FOXK2: variants seen among roughly 807,000 people sequenced by gnomAD.
FOXK2 encodes forkhead box protein K2.
Under a neutral mutation model 53.3 loss-of-function variants are expected in FOXK2, and 24 were observed. The observed-to-expected ratio is 0.45, with a 90% confidence interval of 0.33 to 0.63. FOXK2 has a LOEUF of 0.63. Among genes scored for constraint, FOXK2 ranks in the 30% least tolerant of loss-of-function variants. The probability of loss-of-function intolerance (pLI) is 0.03; values close to 1 mark genes in which losing one functional copy is unlikely to be tolerated. For missense variants in FOXK2, 952 were observed against 910.5 expected (o/e 1.05, Z -0.59); for synonymous variants, 505 against 407.1 (o/e 1.24, Z -2.89).
At chr17:82,565,437 C>T (rs1264719823) in intron 2 of FOXK2, among the ~76,000 whole-genome samples, 1 of 152,086 alleles carries the variant, frequency 6.6e-6, no homozygotes, top group Admixed American at 6.5e-5. Context: ...GATTAATATC[C>T]AGATTATAGA....
intron 1 of FOXK2, among the ~76,000 whole-genome samples, chr17:82,549,600 T>C (rs11653077): frequency 0.043 from 6,503 of 152,154 alleles, 151 homozygotes; most frequent in African/African-American, 0.052. Context: ...ACTCTCCTTA[T>C]TACAGTTGCA....
At chr17:82,542,104 C>G (rs1225645958) in intron 1 of FOXK2, among the ~76,000 whole-genome samples, 1 of 151,624 alleles carries the variant, frequency 6.6e-6, no homozygotes, top group African/African-American at 2.4e-5. Context: ...TGGTCTTGAA[C>G]TCCTGGCCTC....
chr17:82,566,820 C>A (rs958261346), intron 2 of FOXK2, among the ~76,000 whole-genome samples: 1 of 152,206 alleles, frequency 6.6e-6, no homozygotes, highest in Non-Finnish European at 1.5e-5. Context: ...CCGGGGCCTC[C>A]AGGTGGAGCG....
At position 82,602,235 on chromosome 17, in the gene FOXK2, G is replaced by T. The variant is rs1452724612; in HGVS notation, c.*736G>T. The T allele has an allele frequency of 6.6e-6, 1 of 152,168 alleles. No individual in the cohort carries two copies. The highest frequency in any genetic ancestry group is 6.5e-5 in the Admixed American group (1 of 15,272). The allele number at this position is 152,168 out of a possible 1,614,324, so 9.4% of individuals were successfully genotyped here. On this transcript the variant is annotated 3_prime_UTR_variant, in exon 9 of 9. Transcript: ENST00000335255. ...GGACGCTGTGGCCGCATGGAACCTTGAGAACCCAGGGACGAGCCAGTGCCG... is the reference window on the plus strand; with the variant it reads ...GGACGCTGTGGCCGCATGGAACCTTTAGAACCCAGGGACGAGCCAGTGCCG...
At chr17:82,570,655 T>C (rs1193778170) in intron 3 of FOXK2, among the ~76,000 whole-genome samples, 1 of 152,270 alleles carries the variant, frequency 6.6e-6, no homozygotes, top group Non-Finnish European at 1.5e-5. Flanking sequence ...ACAGTATCTA[T>C]AATTGTTCAT....
chr17:82,565,046 GA>G (rs1231785446), intron 2 of FOXK2, among the ~76,000 whole-genome samples: 2 of 152,054 alleles, frequency 1.3e-5, no homozygotes, highest in Non-Finnish European at 2.9e-5. Context: ...AATGGTTTTT[GA>G]CGAGGGTGCC....
At chr17:82,570,088 G>T (rs916178869) in intron 3 of FOXK2, among the ~76,000 whole-genome samples, 4 of 151,894 alleles carry the variant, frequency 2.6e-5, no homozygotes, top group African/African-American at 9.7e-5. Context: ...TGGGCGTGTT[G>T]GCAGGCGCCT....
Position 82,581,478 on chromosome 17 carries a change from G to GTT in FOXK2, c.910-1249_910-1248dup, listed in dbSNP as rs34849884. 1.9e-3 allele frequency among the ~76,000 whole-genome samples: 253 copies of GTT among 134,068 alleles called. 2 individuals are homozygous for GTT. Among genetic ancestry groups the GTT allele is most frequent in the South Asian group, 4.9e-3 (20 of 4,088 alleles). The allele number at this position is 134,068 out of a possible 152,430, so 88.0% of individuals were successfully genotyped here. On this transcript the variant is annotated intron_variant, in intron 4 of 8. Coordinates refer to ENST00000335255, the MANE Select transcript of FOXK2 (RefSeq NM_004514.4). ...CTGTGCCCGGATGATTTTTGTGTGGGTTTTTTTTTTTTTTTGAGATGGAGT... is the reference window on the plus strand; with the variant it reads ...CTGTGCCCGGATGATTTTTGTGTGGGTTTTTTTTTTTTTTTTTGAGATGGAGT...
rs1304519428 is a variant in FOXK2 at position 82,556,121 on chromosome 17, TCTCA to T, written c.420-7230_420-7227del. On this transcript the variant is annotated intron_variant, in intron 1 of 8. Transcript: ENST00000335255. ...CTGATGCATTTTTACACACAGGAAC[TCTCA>T]CTGACGCAGTCAGAATCTAGATGAA... Among the ~76,000 whole-genome samples, 4 of 152,160 alleles carry T rather than the reference TCTCA, an allele frequency of 2.6e-5. No homozygotes were observed. In the East Asian group the frequency reaches 5.8e-4, roughly 22 times the overall value.
rs1162448869 is a variant in FOXK2 at position 82,571,568 on chromosome 17, T to TCCA, written c.763-155_763-153dup. The stretch of plus-strand genomic sequence containing the variant: ...GTGAGCCAAGATCGCGTCACTGTAC[T>TCCA]CCAGCCTGGGCGACACAGCGAGACT... On this transcript the variant is annotated intron_variant, in intron 3 of 8. Transcript: ENST00000335255. 7.2e-5 allele frequency among the ~76,000 whole-genome samples: 11 copies of TCCA among 152,038 alleles called. No homozygotes were observed. In the East Asian group the frequency reaches 2.1e-3, roughly 29 times the overall value.
intron 1 of FOXK2, among the ~76,000 whole-genome samples, chr17:82,542,407 C>T (rs1350924109): frequency 6.6e-6 from 1 of 152,062 alleles, no homozygotes; most frequent in Non-Finnish European, 1.5e-5. Context: ...TCAGGTGATC[C>T]GCCCGTCTCT....
intron 8 of FOXK2, 186 bp from the exon 9 acceptor site, chr17:82,601,117 G>A (rs1398278978): frequency 6.5e-6 from 4 of 615,018 alleles, no homozygotes; most frequent in Non-Finnish European, 8.2e-6. Context: ...CTTGGCCACC[G>A]TGGGCCAGTC....
chr17:82,563,745 C>T (rs978745545), intron 2 of FOXK2, among the ~76,000 whole-genome samples, 197 bp downstream of exon 2: 3 of 141,758 alleles, frequency 2.1e-5, no homozygotes, highest in Admixed American at 7.1e-5. Context: ...TTTATTTACT[C>T]ATTCCCTTTT....
At position 82,568,203 on chromosome 17, in the gene FOXK2, TA is replaced by T. The variant is rs768821814; in HGVS notation, c.762+5del. On this transcript the variant is annotated splice_donor_region_variant and intron_variant, in intron 3 of 8. Coordinates refer to ENST00000335255, the MANE Select transcript of FOXK2 (RefSeq NM_004514.4). ...GCTTCAGGTGGAGACAGCCCGAAGG[TA>T]AAGGCTTTGTAGCCTTGAAGCAGCC... 40 of 1,611,154 alleles carry T rather than the reference TA, an allele frequency of 2.5e-5. No homozygotes were observed. The African/African-American group carries it at 4.3e-4, about 17-fold the overall frequency.
At chr17:82,521,978 G>GTGTT (rs2044367420) in intron 1 of FOXK2, among the ~76,000 whole-genome samples, 1 of 147,156 alleles carries the variant, frequency 6.8e-6, no homozygotes. Context: ...CTATTTATGT[G>GTGTT]TGTTTATACT....
At chr17:82,562,545 A>G (rs955294265) in intron 1 of FOXK2, among the ~76,000 whole-genome samples, 18 of 151,726 alleles carry the variant, frequency 1.2e-4, no homozygotes, top group Non-Finnish European at 2.9e-5. Flanking sequence ...GCACCATTGC[A>G]CTCCATTCTG....
intron 8 of FOXK2, among the ~76,000 whole-genome samples, chr17:82,588,684 G>C (rs1012253141): frequency 6.6e-6 from 1 of 152,112 alleles, no homozygotes; most frequent in African/African-American, 2.4e-5. Context: ...TTCTGAAACA[G>C]TCCAGGTCTG....
chr17:82,566,829 C>T (rs781661190), intron 2 of FOXK2, among the ~76,000 whole-genome samples: 4 of 152,194 alleles, frequency 2.6e-5, no homozygotes, highest in South Asian at 2.1e-4. Context: ...CCAGGTGGAG[C>T]GAGCCTGAGC....
intron 1 of FOXK2, among the ~76,000 whole-genome samples, chr17:82,540,786 T>C (rs1453067192): frequency 6.6e-6 from 1 of 152,240 alleles, no homozygotes; most frequent in Non-Finnish European, 1.5e-5. Context: ...CTAATTGTTT[T>C]ATGCCCACTA....
Sources: allele counts gnomAD v4.1 joint callset (sites outside exome capture counted in the v4.1 genomes callset), GRCh38; gene constraint gnomAD v4.1.1; transcripts MANE v1.5; gene names NCBI Gene and HGNC (gene_info 2026-07-23, HGNC 2026-07-21).